The following LRP1B variants were observed in gnomAD, a reference collection of about 807,000 sequenced individuals.
LRP1B encodes the protein low-density lipoprotein receptor-related protein 1B.
In LRP1B, 217 loss-of-function variants were observed where a neutral mutation model predicts 556.6. The ratio of observed to expected loss-of-function variants is 0.39; its 90% CI spans 0.35 to 0.44. The LOEUF (loss-of-function observed/expected upper bound fraction) is 0.44, where lower values mean the gene tolerates loss of function less well. Among genes scored for constraint, LRP1B ranks in the 20% least tolerant of loss-of-function variants. The pLI is 1.00. For missense variants in LRP1B, 5,053 were observed against 5,620.8 expected (o/e 0.90, Z 3.23); for synonymous variants, 2,047 against 1,865.8 (o/e 1.10, Z -2.50).
At chr2:140,443,261 A>G (rs900288547) in intron 65 of LRP1B, among the ~76,000 whole-genome samples, 4 of 152,082 alleles carry the variant, frequency 2.6e-5, no homozygotes, top group Non-Finnish European at 5.9e-5. Flanking sequence ...GGGTTTCACC[A>G]TGTTGGCCAG....
chr2:141,034,428 C>A (rs1574002822), intron 11 of LRP1B, among the ~76,000 whole-genome samples: 1 of 151,972 alleles, frequency 6.6e-6, no homozygotes, highest in African/African-American at 2.4e-5. Flanking sequence ...AGGCAACCTA[C>A]AAAATGGGAG....
intron 7 of LRP1B, among the ~76,000 whole-genome samples, chr2:141,157,676 T>A (rs1702102056): frequency 6.6e-6 from 1 of 152,152 alleles, no homozygotes; most frequent in East Asian, 1.9e-4. Context: ...ATTCTCGTCA[T>A]TAATTACACA....
At chr2:140,727,054 C>T (rs1687618958) in intron 35 of LRP1B, among the ~76,000 whole-genome samples, 1 of 152,110 alleles carries the variant, frequency 6.6e-6, no homozygotes, top group Non-Finnish European at 1.5e-5. Flanking sequence ...TTGGCTGCTA[C>T]ATTTTATTTC....
At chr2:141,331,522 C>CTTTTCTTTCTT (rs10694161) in intron 3 of LRP1B, among the ~76,000 whole-genome samples, 3 of 140,716 alleles carry the variant, frequency 2.1e-5, no homozygotes, top group Admixed American at 1.4e-4. Flanking sequence ...TTCTTTCTTT[C>CTTTTCTTTCTT]TCTTTCTTTC....
chr2:140,970,712 ACCTTTTTTTTTTTTT>A (rs1696387210), intron 18 of LRP1B, among the ~76,000 whole-genome samples: 2 of 126,420 alleles, frequency 1.6e-5, no homozygotes. Context: ...TAATTTTTTA[ACCTTTTTTTTTTTTT>A]TTTTTTTTTT....
At chr2:141,339,497 C>T (rs1486317772) in intron 3 of LRP1B, among the ~76,000 whole-genome samples, 1 of 152,062 alleles carries the variant, frequency 6.6e-6, no homozygotes, top group Non-Finnish European at 1.5e-5. Context: ...GTTAAACATC[C>T]CTCATTACCT....
intron 3 of LRP1B, among the ~76,000 whole-genome samples, chr2:141,377,627 A>C (rs935095901): frequency 6.6e-6 from 1 of 152,110 alleles, no homozygotes; most frequent in Admixed American, 6.5e-5. Context: ...TGAATTTCAA[A>C]TCATAGTTTG....
At chr2:141,591,115 G>A (rs1055696031) in intron 2 of LRP1B, among the ~76,000 whole-genome samples, 3 of 152,120 alleles carry the variant, frequency 2.0e-5, no homozygotes, top group Non-Finnish European at 2.9e-5. Context: ...GGCGATTAGC[G>A]AATTAACCTG....
chr2:140,708,281 G>A (rs1429055484), intron 37 of LRP1B, among the ~76,000 whole-genome samples: 2 of 151,668 alleles, frequency 1.3e-5, no homozygotes, highest in Non-Finnish European at 1.5e-5. Flanking sequence ...CAAAAATAAA[G>A]ATATAGGCCA....
At chr2:141,154,537 C>T (rs964572182) in intron 7 of LRP1B, among the ~76,000 whole-genome samples, 1 of 151,814 alleles carries the variant, frequency 6.6e-6, no homozygotes, top group African/African-American at 2.4e-5. Context: ...TTCAAGCAAT[C>T]AGAAATTAAA....
At chr2:140,353,530 G>T (rs1380079427) in intron 75 of LRP1B, among the ~76,000 whole-genome samples, 2 of 152,032 alleles carry the variant, frequency 1.3e-5, no homozygotes, top group East Asian at 1.9e-4. Context: ...TGCCTTCGAA[G>T]GTATCATGGG....
intron 10 of LRP1B, among the ~76,000 whole-genome samples, chr2:141,051,197 A>G (rs1439814188): frequency 6.6e-6 from 1 of 152,098 alleles, no homozygotes; most frequent in Non-Finnish European, 1.5e-5. Context: ...AATTAGTTCA[A>G]CCATTCTGGA....
At chr2:141,576,390 G>A (rs747324999) in intron 2 of LRP1B, among the ~76,000 whole-genome samples, 11 of 152,114 alleles carry the variant, frequency 7.2e-5, no homozygotes, top group Non-Finnish European at 1.3e-4. Flanking sequence ...ATAAGTGGGT[G>A]TTGAACATTG....
chr2:140,828,125 AT>A (rs2105068509), intron 31 of LRP1B, among the ~76,000 whole-genome samples: 1 of 152,282 alleles, frequency 6.6e-6, no homozygotes, highest in Admixed American at 6.5e-5. Context: ...TCTAAAGGGA[AT>A]TCTTCAATAT....
chr2:140,734,984 A>T (rs1218574999), intron 35 of LRP1B, among the ~76,000 whole-genome samples: 1 of 152,184 alleles, frequency 6.6e-6, no homozygotes, highest in Admixed American at 6.5e-5. Flanking sequence ...TCTCAATAAC[A>T]ATCTTACATA....
At chr2:141,534,525 C>A (rs1406981632) in intron 2 of LRP1B, among the ~76,000 whole-genome samples, 2 of 152,102 alleles carry the variant, frequency 1.3e-5, no homozygotes, top group African/African-American at 4.8e-5. Context: ...TAATTCCAAA[C>A]TCTAAGACAA....
intron 41 of LRP1B, among the ~76,000 whole-genome samples, chr2:140,662,378 T>C (rs1470387730): frequency 6.6e-6 from 1 of 152,090 alleles, no homozygotes; most frequent in East Asian, 1.9e-4. Flanking sequence ...TAAGAATACA[T>C]AGCTGGTATT....
rs11326947 is a variant in LRP1B, at chr2:141,741,263, CTTTTTTTTTTTTTT to C, written c.205+69002_205+69015del. Among the ~76,000 whole-genome samples, 100 of 57,994 alleles carry C rather than the reference CTTTTTTTTTTTTTT, an allele frequency of 1.7e-3. 1 individual carries two copies. Among genetic ancestry groups the C allele is most frequent in the Middle Eastern group, 0.015 (1 of 66 alleles). The allele number at this position is 57,994 out of a possible 152,430, so 38.0% of individuals were successfully genotyped here. ...GTTATCTCTTCAGTATACTGATTTCCTTTTTTTTTTTTTTTTTTTTTTTTTTTTTTAGTATATAT... is the reference window on the plus strand; with the variant it reads ...GTTATCTCTTCAGTATACTGATTTCCTTTTTTTTTTTTTTTTAGTATATAT... On this transcript the variant is annotated intron_variant, in intron 2 of 90. Coordinates refer to ENST00000389484, the MANE Select transcript of LRP1B (RefSeq NM_018557.3).
At chr2:141,120,137 G>A (rs1701010263) in intron 7 of LRP1B, among the ~76,000 whole-genome samples, 1 of 151,836 alleles carries the variant, frequency 6.6e-6, no homozygotes, top group South Asian at 2.1e-4. Context: ...CCACTGACAG[G>A]CAAGGAATTT....
Sources: allele counts gnomAD v4.1 joint callset (sites outside exome capture counted in the v4.1 genomes callset), GRCh38; gene constraint gnomAD v4.1.1; transcripts MANE v1.5; gene names NCBI Gene and HGNC (gene_info 2026-07-23, HGNC 2026-07-21).